PRG2: variants seen among roughly 807,000 people sequenced by gnomAD.
The protein encoded by PRG2 is proteoglycan 2, pro eosinophil major basic protein.
A neutral mutation model predicts 24.7 loss-of-function variants in PRG2; 23 were observed. That is an observed-to-expected ratio of 0.93 (90% CI 0.67 to 1.32). PRG2 has a LOEUF of 1.32. Ranked by LOEUF, PRG2 falls within the 40% of genes most tolerant of loss-of-function variation. The pLI, the probability that PRG2 is intolerant of heterozygous loss-of-function variation, is 0.00. For missense variants in PRG2, 271 were observed against 280.9 expected, an observed-to-expected ratio of 0.96 and a Z score of 0.25; for synonymous variants, 104 against 99.8, an observed-to-expected ratio of 1.04 and a Z score of -0.25.
chr11:57,387,342 G>C lies in PRG2; in HGVS notation c.*133C>G, dbSNP rs878986902. The C allele has an allele frequency of 2.6e-6, 2 of 773,722 alleles. No individual in the cohort carries two copies. The highest frequency in any genetic ancestry group is 1.7e-5 in the African/African-American group (1 of 57,770). The allele number at this position is 773,722 out of a possible 1,614,324, so 47.9% of individuals were successfully genotyped here. A position where few individuals can be genotyped will look rare whatever the true frequency, so the allele number is the denominator to read the frequency against. ...TGAGGGCTAAGCAGAGTGGATCCGC[G>C]ATCAGAGGAGAAAATAAATCCATTT... On this transcript the variant is annotated 3_prime_UTR_variant, in exon 6 of 6. Coordinates refer to ENST00000311862, the MANE Select transcript of PRG2 (RefSeq NM_002728.6).
intron 1 of PRG2, 131 bp downstream of exon 1, chr11:57,390,465 T>C (rs2134476420): frequency 2.2e-6 from 1 of 464,892 alleles, no homozygotes; most frequent in East Asian, 1.5e-4. Context: ...AGGCTGCCCC[T>C]GCTGACATCC....
chr11:57,390,555 T>A, intron 1 of PRG2, 41 bp downstream of exon 1: 1 of 982,018 alleles, frequency 1.0e-6, no homozygotes, highest in Non-Finnish European at 1.2e-6. Context: ...CCTGGGAGAA[T>A]AAACTGTCAC....
At chr11:57,388,798 C>T (rs1159248850) in intron 3 of PRG2, 90 bp from the exon 4 acceptor site, 4 of 1,536,440 alleles carry the variant, frequency 2.6e-6, no homozygotes, top group African/African-American at 1.4e-5. Flanking sequence ...TTCCCTCCCT[C>T]CCCTGCCACA....
intron 1 of PRG2, 67 bp from the exon 2 acceptor site, chr11:57,390,023 C>T: frequency 2.3e-6 from 3 of 1,321,276 alleles, no homozygotes; most frequent in Non-Finnish European, 3.2e-6. Context: ...CACAATCACA[C>T]CATTAGGGGA....
At chr11:57,390,338 C>T (rs1384754186) in intron 1 of PRG2, 1 of 159,076 alleles carries the variant, frequency 6.3e-6, no homozygotes, top group Non-Finnish European at 1.4e-5. Context: ...GAAGGTATGT[C>T]CCCTCCTCAG....
At position 57,386,784 on chromosome 11, in the gene PRG2, G is replaced by A. The variant is rs182843463; in HGVS notation, c.*691C>T. On this transcript the variant is annotated 3_prime_UTR_variant, in exon 6 of 6. Coordinates refer to ENST00000311862, the MANE Select transcript of PRG2 (RefSeq NM_002728.6). ...AGGAGATCCTGAGAGAGGGAGTTGC[G>A]TACAAGTGTTTATTTGGGAGTTGCA... is the stretch of plus-strand genomic sequence containing the variant. 9 of 152,276 alleles carry A rather than the reference G, an allele frequency of 5.9e-5. No individual in the cohort carries two copies. The highest frequency in any genetic ancestry group is 1.4e-4 in the African/African-American group (6 of 41,530). The allele number at this position is 152,276 out of a possible 1,614,324, so 9.4% of individuals were successfully genotyped here.
chr11:57,389,345 TC>T (rs1267275791), intron 2 of PRG2, 28 bp from the exon 3 acceptor site: 1 of 1,593,876 alleles, frequency 6.3e-7, no homozygotes, highest in Non-Finnish European at 8.5e-7. Context: ...TAAGTGTCCT[TC>T]CTTCACATCT....
intron 4 of PRG2, among the ~76,000 whole-genome samples, chr11:57,388,296 T>A (rs1239118331): frequency 6.6e-6 from 1 of 152,084 alleles, no homozygotes; most frequent in Non-Finnish European, 1.5e-5. Context: ...TGCCTCAGCC[T>A]CCCAAGTAGC....
chr11:57,390,630 C>A lies in PRG2; in HGVS notation c.-47G>T, dbSNP rs1190120426. The stretch of plus-strand genomic sequence containing the variant: ...GACCTTCCTGGGTCTTTAGATCTTC[C>A]CAAAGCCCAGGTCCTTCTTTGCTTC... On this transcript the variant is annotated 5_prime_UTR_variant, in exon 1 of 6. Transcript: ENST00000311862. 1 of 985,374 alleles carries A rather than the reference C, an allele frequency of 1.0e-6. No individual in the cohort carries two copies. The highest frequency in any genetic ancestry group is 1.2e-6 in the Non-Finnish European group (1 of 829,982). 61.0% of individuals were successfully genotyped at this position (985,374 alleles called of 1,614,324 possible). A position where few individuals can be genotyped will look rare whatever the true frequency, so the allele number is the denominator to read the frequency against.
In PRG2 at chr11:57,388,889, T is replaced by G. The variant is rs1167145948; in HGVS notation, c.366+121A>C. On this transcript the variant is annotated intron_variant, in intron 3 of 5. Transcript: ENST00000311862. Reference sequence around the variant, plus strand: ...TCTTACCCCAACACCTCTCTGAGGCTCAGGTTCTACTGACACCCCCAGGGC... The same window carrying G: ...TCTTACCCCAACACCTCTCTGAGGCGCAGGTTCTACTGACACCCCCAGGGC... 27 of 1,446,250 alleles carry G rather than the reference T, an allele frequency of 1.9e-5. No homozygotes were observed. In the Admixed American group the frequency reaches 5.5e-4, roughly 29 times the overall value. 89.6% of individuals were successfully genotyped at this position (1,446,250 alleles called of 1,614,324 possible).
rs773220366 is a variant in PRG2, at chr11:57,387,450, C to T, written c.*25G>A. On this transcript the variant is annotated 3_prime_UTR_variant, in exon 6 of 6. Transcript: ENST00000311862. Reference sequence around the variant, plus strand: ...GAGGCAGCTGCCCAGGAGAGGGCAGCTCTGAACTGCTGGCTGGGACCAGCT... The same window carrying T: ...GAGGCAGCTGCCCAGGAGAGGGCAGTTCTGAACTGCTGGCTGGGACCAGCT... 5.0e-6 allele frequency: 8 copies of T among 1,610,772 alleles called. No individual in the cohort carries two copies. The South Asian group carries it at 6.6e-5, about 13-fold the overall frequency.
intron 4 of PRG2, 106 bp downstream of exon 4, chr11:57,388,471 G>C (rs1055864351): frequency 5.3e-6 from 8 of 1,512,492 alleles, no homozygotes; most frequent in Non-Finnish European, 7.2e-6. Flanking sequence ...ATCTATCCCT[G>C]GTTCTTCTGG....
Position 57,387,125 on chromosome 11 carries a change from G to C in PRG2, c.*350C>G, listed in dbSNP as rs2134469966. The C allele has an allele frequency of 5.2e-6, 1 of 193,374 alleles. No individual in the cohort carries two copies. 12.0% of individuals were successfully genotyped at this position (193,374 alleles called of 1,614,324 possible). A position where few individuals can be genotyped will look rare whatever the true frequency, so the allele number is the denominator to read the frequency against. On this transcript the variant is annotated 3_prime_UTR_variant, in exon 6 of 6. Transcript: ENST00000311862. ...GGGAGTCTACCTACAACCTTGAAAG[G>C]TCCTGGCAGCACTATGCAGGTGCCC...
chr11:57,387,447 C>T lies in PRG2; in HGVS notation c.*28G>A, dbSNP rs1341657487. On this transcript the variant is annotated 3_prime_UTR_variant, in exon 6 of 6. Coordinates refer to ENST00000311862, the MANE Select transcript of PRG2 (RefSeq NM_002728.6). The stretch of plus-strand genomic sequence containing the variant: ...GGGGAGGCAGCTGCCCAGGAGAGGG[C>T]AGCTCTGAACTGCTGGCTGGGACCA... 1 of 1,606,594 alleles carries T rather than the reference C, an allele frequency of 6.2e-7. No individual in the cohort carries two copies. The highest frequency in any genetic ancestry group is 8.5e-7 in the Non-Finnish European group (1 of 1,175,162).
chr11:57,388,622 C>T lies in PRG2; in HGVS notation c.453G>A (p.Ala151=), dbSNP rs376502057. 400 of 1,613,950 alleles carry T rather than the reference C, an allele frequency of 2.5e-4. No individual in the cohort carries two copies. Among genetic ancestry groups the T allele is most frequent in the South Asian group, 1.7e-3 (158 of 91,072 alleles). Residue 151 remains alanine (A), a synonymous_variant, in exon 4 of 6, where the codon GCG becomes GCA. Coordinates refer to ENST00000311862, the MANE Select transcript of PRG2 (RefSeq NM_002728.6). ...INYRIQCSVS[A]LNQGQVWIGG... Reference sequence around the variant, plus strand: ...CAATCCAGACTTGACCCTGGTTGAGCGCGCTGACAGAACACTGGATTCGAT... The same window carrying T: ...CAATCCAGACTTGACCCTGGTTGAGTGCGCTGACAGAACACTGGATTCGAT...
In PRG2 at chr11:57,387,864, C is replaced by T; in HGVS notation, c.500G>A (p.Gly167Asp). 1 of 1,560,772 alleles carries T rather than the reference C, an allele frequency of 6.4e-7. No homozygotes were observed. Among genetic ancestry groups the T allele is most frequent in the Non-Finnish European group, 8.7e-7 (1 of 1,151,906 alleles). The part of the protein sequence containing the change: ...VWIGGRITGS[G>D]RCRRFQWVDG... The stretch of plus-strand genomic sequence containing the variant: ...AACCCACTGAAAGCGTCTGCAGCGA[C>T]CCTGGAGAAAGCAAGAGGGGAAGAA... Residue 167 changes from glycine to aspartate, a missense_variant and splice_region_variant, in exon 5 of 6, where the codon GGT becomes GAT. Gly to Asp is a moderately conservative substitution (Grantham distance 94, BLOSUM62 -1). Transcript: ENST00000311862.
Position 57,387,543 on chromosome 11 carries a change from C to A in PRG2, c.611-10G>T. ...CGACGCCAGTGGCCTCCTGTGAAGG[C>A]AGAACAGAAAGGGACTTTCAGCCTC... On this transcript the variant is annotated splice_polypyrimidine_tract_variant and intron_variant, in intron 5 of 5. Transcript: ENST00000311862. 2 of 1,612,368 alleles carry A rather than the reference C, an allele frequency of 1.2e-6. No individual in the cohort carries two copies. Among genetic ancestry groups the A allele is most frequent in the Non-Finnish European group, 1.7e-6 (2 of 1,178,646 alleles).
chr11:57,388,148 GTTTTAATTTT>G (rs1857083408), intron 4 of PRG2, among the ~76,000 whole-genome samples: 2 of 15,958 alleles, frequency 1.3e-4, no homozygotes, highest in Admixed American at 2.7e-3. Context: ...TCATGGTCTT[GTTTTAATTTT>G]TTTTTTATTT....
At chr11:57,388,440 CAG>C (rs1328744024) in intron 4 of PRG2, 135 bp downstream of exon 4, 2 of 1,338,134 alleles carry the variant, frequency 1.5e-6, no homozygotes, top group African/African-American at 2.9e-5. Context: ...GCAGCCCCCT[CAG>C]TGTTGTCTGT....
Sources: allele counts gnomAD v4.1 joint callset (sites outside exome capture counted in the v4.1 genomes callset), GRCh38; gene constraint gnomAD v4.1.1; transcripts MANE v1.5; gene names NCBI Gene and HGNC (gene_info 2026-07-23, HGNC 2026-07-21).